The following STIM1 variants were observed in gnomAD, a reference collection of about 807,000 sequenced individuals.
STIM1 encodes stromal interaction molecule 1.
STIM1 carries 25 observed loss-of-function variants against 74.7 expected under a neutral mutation model. The ratio of observed to expected loss-of-function variants is 0.33; its 90% CI spans 0.24 to 0.47. STIM1 has a LOEUF of 0.47. Among genes scored for constraint, STIM1 ranks in the 20% least tolerant of loss-of-function variants. The pLI is 1.00. For missense variants in STIM1, 728 were observed against 920.8 expected, an observed-to-expected ratio of 0.79 and a Z score of 2.71; for synonymous variants, 328 against 348.8, an observed-to-expected ratio of 0.94 and a Z score of 0.66.
chr11:3,925,637 A>G (rs2135540365), intron 1 of STIM1, among the ~76,000 whole-genome samples: 1 of 152,326 alleles, frequency 6.6e-6, no homozygotes, highest in Non-Finnish European at 1.5e-5. Context: ...TTTAATCATG[A>G]TAGCTTTATT....
At chr11:3,882,585 C>T (rs187172988) in intron 1 of STIM1, among the ~76,000 whole-genome samples, 28 of 152,182 alleles carry the variant, frequency 1.8e-4, no homozygotes, top group Admixed American at 6.5e-4. Flanking sequence ...ATATGTACCC[C>T]GGAACTTAAA....
intron 1 of STIM1, among the ~76,000 whole-genome samples, chr11:3,933,894 G>A (rs939521776): frequency 6.6e-6 from 1 of 152,194 alleles, no homozygotes; most frequent in African/African-American, 2.4e-5. Context: ...AAGGCATTGG[G>A]GCTTGGCTTG....
chr11:3,964,397 G>A (rs866197875), intron 1 of STIM1, among the ~76,000 whole-genome samples: 5 of 152,224 alleles, frequency 3.3e-5, no homozygotes, highest in African/African-American at 7.2e-5. Flanking sequence ...ACGGCCATAG[G>A]AGAATCAAGC....
chr11:3,996,523 C>T (rs1171676607), intron 2 of STIM1, among the ~76,000 whole-genome samples: 1 of 152,202 alleles, frequency 6.6e-6, no homozygotes, highest in Non-Finnish European at 1.5e-5. Flanking sequence ...CTGCTCAGGA[C>T]ATTCCAGGCA....
intron 2 of STIM1, among the ~76,000 whole-genome samples, chr11:3,976,962 T>C (rs1481839021): frequency 6.6e-6 from 1 of 152,070 alleles, no homozygotes; most frequent in East Asian, 1.9e-4. Flanking sequence ...ACCCAGCTAA[T>C]TTTTGTATTT....
chr11:3,996,082 A>G (rs1470734090), intron 2 of STIM1, among the ~76,000 whole-genome samples: 1 of 151,972 alleles, frequency 6.6e-6, no homozygotes, highest in Non-Finnish European at 1.5e-5. Flanking sequence ...CCCTACCCTT[A>G]GTCTTGAAAT....
intron 3 of STIM1, among the ~76,000 whole-genome samples, chr11:4,048,643 A>T (rs1344049743): frequency 6.6e-6 from 1 of 152,018 alleles, no homozygotes; most frequent in African/African-American, 2.4e-5. Context: ...GTCTACTTCT[A>T]TTCCTTCATA....
intron 1 of STIM1, among the ~76,000 whole-genome samples, chr11:3,900,315 C>T (rs879515580): frequency 3.3e-5 from 5 of 152,248 alleles, no homozygotes; most frequent in South Asian, 2.1e-4. Context: ...GGGAGTGACC[C>T]GATTTTCCAG....
At position 3,928,233 on chromosome 11, in the gene STIM1, T is replaced by G. The variant is rs1289370653; in HGVS notation, c.140-39319T>G. On this transcript the variant is annotated intron_variant, in intron 1 of 12. Transcript: ENST00000526596. ...TAATCCTGCGTAACAGTCCATTTTT[T>G]TTTTTTTTTTGAGACAGAGTCTCAC... Among the ~76,000 whole-genome samples, 179 of 152,114 alleles carry G rather than the reference T, an allele frequency of 1.2e-3. 1 individual carries two copies. Among genetic ancestry groups the G allele is most frequent in the African/African-American group, 4.2e-3 (173 of 41,506 alleles).
chr11:3,932,666 GAAAAAAAAAAAAA>G (rs57059104), intron 1 of STIM1, among the ~76,000 whole-genome samples: 2 of 86,970 alleles, frequency 2.3e-5, no homozygotes, highest in South Asian at 3.7e-4. Context: ...TGTCTCAAAG[GAAAAAAAAAAAAA>G]AAAAAAAGAA....
chr11:3,987,971 C>A (rs1044312593), intron 2 of STIM1, among the ~76,000 whole-genome samples: 1 of 152,164 alleles, frequency 6.6e-6, no homozygotes, highest in Non-Finnish European at 1.5e-5. Flanking sequence ...TTCTTTGTCC[C>A]TAAGCCTCTT....
At chr11:4,008,894 A>C (rs1017974118) in intron 2 of STIM1, among the ~76,000 whole-genome samples, 26 of 152,236 alleles carry the variant, frequency 1.7e-4, no homozygotes, top group Non-Finnish European at 5.9e-5. Flanking sequence ...CATTGAAAGA[A>C]ATGGTGTTAT....
At chr11:4,071,205 GT>G (rs1209273844) in intron 6 of STIM1, among the ~76,000 whole-genome samples, 2 of 152,002 alleles carry the variant, frequency 1.3e-5, no homozygotes, top group Non-Finnish European at 2.9e-5. Flanking sequence ...TTTTTTGGTT[GT>G]TTTGTTTTCG....
chr11:3,948,929 A>G (rs1308034046), intron 1 of STIM1, among the ~76,000 whole-genome samples: 1 of 152,256 alleles, frequency 6.6e-6, no homozygotes, highest in African/African-American at 2.4e-5. Context: ...TACTAGTTAG[A>G]CAATTACAAC....
At chr11:4,060,113 T>A (rs1325933753) in intron 5 of STIM1, among the ~76,000 whole-genome samples, 1 of 152,178 alleles carries the variant, frequency 6.6e-6, no homozygotes, top group Non-Finnish European at 1.5e-5. Context: ...GAAAGGGTGG[T>A]CTCTTCAGCC....
At chr11:3,942,783 T>G (rs1429743153) in intron 1 of STIM1, among the ~76,000 whole-genome samples, 2 of 152,238 alleles carry the variant, frequency 1.3e-5, no homozygotes, top group Non-Finnish European at 2.9e-5. Context: ...GTCTCATGTC[T>G]TAAGGCCATT....
chr11:3,989,686 CAGTGTCTGT>C (rs1451790031), intron 2 of STIM1, among the ~76,000 whole-genome samples: 1 of 152,232 alleles, frequency 6.6e-6, no homozygotes. Flanking sequence ...ATTGAAATTT[CAGTGTCTGT>C]AAAGTTTTAT....
At chr11:3,900,035 T>A (rs981985000) in intron 1 of STIM1, among the ~76,000 whole-genome samples, 19 of 152,162 alleles carry the variant, frequency 1.2e-4, no homozygotes, top group South Asian at 4.1e-4. Flanking sequence ...GCCTCATAAA[T>A]TGAGTTAGGG....
chr11:4,047,050 A>T (rs2094198953), intron 3 of STIM1, among the ~76,000 whole-genome samples: 1 of 152,222 alleles, frequency 6.6e-6, no homozygotes, highest in African/African-American at 2.4e-5. Flanking sequence ...TGAGGCCCAC[A>T]TCAAATCATT....
Sources: gnomAD v4.1 joint callset for allele counts (sites outside exome capture counted in the v4.1 genomes callset) on GRCh38, gnomAD v4.1.1 for gene constraint, MANE v1.5 for transcripts, NCBI Gene and HGNC (gene_info 2026-07-23, HGNC 2026-07-21) for gene names.